CELF4: variants seen among roughly 807,000 people sequenced by gnomAD.
CELF4 encodes the protein CUGBP Elav-like family member 4.
Under a neutral mutation model 59.9 loss-of-function variants are expected in CELF4, and 18 were observed. The ratio of observed to expected loss-of-function variants is 0.30; its 90% CI spans 0.21 to 0.45. CELF4 has a LOEUF of 0.45. Ranked by LOEUF, CELF4 falls within the 20% of genes least tolerant of loss-of-function variation. The pLI is 1.00. For synonymous variants in CELF4, 261 were observed against 267.1 expected (o/e 0.98, Z 0.22); for missense variants, 456 against 689.0 (o/e 0.66, Z 3.79).
chr18:37,356,396 G>A (rs2154557457), intron 2 of CELF4, among the ~76,000 whole-genome samples: 1 of 152,306 alleles, frequency 6.6e-6, no homozygotes, highest in Middle Eastern at 3.4e-3. Context: ...GGTTGGGTGT[G>A]GAATGGCAGC....
intron 1 of CELF4, among the ~76,000 whole-genome samples, chr18:37,541,239 C>T (rs1194963728): frequency 1.3e-5 from 2 of 152,064 alleles, no homozygotes; most frequent in South Asian, 4.2e-4. Context: ...ACAGGCCTCC[C>T]GCTCTCAGCA....
intron 2 of CELF4, among the ~76,000 whole-genome samples, chr18:37,477,370 G>C (rs112180325): frequency 1.4e-3 from 207 of 152,314 alleles, no homozygotes; most frequent in African/African-American, 4.6e-3. Context: ...TCCAGGCAGA[G>C]GGAATGACAT....
intron 2 of CELF4, among the ~76,000 whole-genome samples, chr18:37,461,285 A>T (rs1165782669): frequency 6.6e-6 from 1 of 152,140 alleles, no homozygotes; most frequent in Non-Finnish European, 1.5e-5. Context: ...CATACCTAAG[A>T]CTGGGTAATT....
chr18:37,424,309 G>A (rs2099598792), intron 2 of CELF4, among the ~76,000 whole-genome samples: 1 of 152,254 alleles, frequency 6.6e-6, no homozygotes, highest in South Asian at 2.1e-4. Context: ...GGAGAGGTGG[G>A]CTGTCACGGG....
chr18:37,288,243 T>C (rs2094997764), intron 3 of CELF4, among the ~76,000 whole-genome samples: 1 of 152,232 alleles, frequency 6.6e-6, no homozygotes, highest in African/African-American at 2.4e-5. Flanking sequence ...CTGCACCTAA[T>C]GAGGTCCTCC....
chr18:37,535,613 A>T (rs1201928049), intron 1 of CELF4, among the ~76,000 whole-genome samples: 1 of 152,154 alleles, frequency 6.6e-6, no homozygotes, highest in Non-Finnish European at 1.5e-5. Flanking sequence ...TAGGTAATAC[A>T]CGTGTATTAC....
At chr18:37,464,419 C>T (rs191837239) in intron 2 of CELF4, among the ~76,000 whole-genome samples, 3 of 152,338 alleles carry the variant, frequency 2.0e-5, no homozygotes, top group African/African-American at 4.8e-5. Context: ...TCCCCTCCCA[C>T]TGTTCTGGCT....
rs543415462 is a variant in CELF4, at chr18:37,520,482, G to A, written c.287-34875C>T. ...GAGCAGGTTTTGGAGTTGTATCTCT[G>A]GGTTACTGCTTGACTCAGCTGGCAG... On this transcript the variant is annotated intron_variant, in intron 1 of 12. Coordinates refer to ENST00000420428, the MANE Select transcript of CELF4 (RefSeq NM_020180.4). Among the ~76,000 whole-genome samples the A allele has an allele frequency of 2.8e-4, 43 of 152,176 alleles. No individual in the cohort carries two copies. In the East Asian group the frequency reaches 5.4e-3, roughly 19 times the overall value.
At chr18:37,526,099 T>C (rs959832948) in intron 1 of CELF4, among the ~76,000 whole-genome samples, 1 of 152,150 alleles carries the variant, frequency 6.6e-6, no homozygotes, top group African/African-American at 2.4e-5. Context: ...GTGGAAATTA[T>C]TGTATCTTTT....
chr18:37,530,959 C>A, intron 1 of CELF4, among the ~76,000 whole-genome samples: 1 of 148,626 alleles, frequency 6.7e-6, no homozygotes, highest in East Asian at 2.0e-4. Flanking sequence ...CTGATGCTGC[C>A]AGTAGTATCT....
rs143640194 is a variant in CELF4 at position 37,380,078 on chromosome 18, C to G, written c.370-58197G>C. Among the ~76,000 whole-genome samples, 15 of 152,292 alleles carry G rather than the reference C, an allele frequency of 9.8e-5. No homozygotes were observed. In the East Asian group the frequency reaches 2.9e-3, roughly 29 times the overall value. ...AGCTTGTGGCTGGTGCCTCCACTCT[C>G]CCGTCCAGTTGTCCTGTATTTGATT... On this transcript the variant is annotated intron_variant, in intron 2 of 12. Coordinates refer to ENST00000420428, the MANE Select transcript of CELF4 (RefSeq NM_020180.4).
chr18:37,470,887 T>TGTGTGAGAGAGAGAGAGA (rs1325788685), intron 2 of CELF4, among the ~76,000 whole-genome samples: 6 of 71,930 alleles, frequency 8.3e-5, no homozygotes, highest in African/African-American at 2.7e-4. Context: ...TGTGTGTGTG[T>TGTGTGAGAGAGAGAGAGA]GACAGAGAGA....
At chr18:37,529,645 A>G (rs2154605004) in intron 1 of CELF4, among the ~76,000 whole-genome samples, 1 of 152,274 alleles carries the variant, frequency 6.6e-6, no homozygotes, top group Middle Eastern at 3.4e-3. Context: ...TTTGCTTTGC[A>G]AGCAACTGGC....
chr18:37,469,068 T>C (rs1461779000), intron 2 of CELF4, among the ~76,000 whole-genome samples: 1 of 152,166 alleles, frequency 6.6e-6, no homozygotes, highest in Non-Finnish European at 1.5e-5. Context: ...CTTCCCAGCC[T>C]AGGGAAAGTG....
chr18:37,262,329 C>T (rs1220547955), intron 10 of CELF4, among the ~76,000 whole-genome samples: 1 of 152,160 alleles, frequency 6.6e-6, no homozygotes, highest in Non-Finnish European at 1.5e-5. Context: ...ATCCTGCCAC[C>T]CCAAGGAGAG....
chr18:37,312,054 T>A (rs1273560688), intron 3 of CELF4, among the ~76,000 whole-genome samples: 2 of 133,554 alleles, frequency 1.5e-5, no homozygotes, highest in Non-Finnish European at 3.0e-5. Context: ...GAACTTGCAG[T>A]GAGCCCATAT....
chr18:37,433,702 A>C (rs953295546), intron 2 of CELF4, among the ~76,000 whole-genome samples: 2 of 152,174 alleles, frequency 1.3e-5, no homozygotes, highest in African/African-American at 4.8e-5. Flanking sequence ...AGGAGTATGT[A>C]AGCAGACGGG....
At chr18:37,342,462 G>A (rs140629502) in intron 2 of CELF4, among the ~76,000 whole-genome samples, 13 of 152,300 alleles carry the variant, frequency 8.5e-5, no homozygotes, top group Non-Finnish European at 1.8e-4. Context: ...GGTGGGGAAG[G>A]GGGCCTGCCT....
intron 7 of CELF4, among the ~76,000 whole-genome samples, chr18:37,271,254 CTTT>C (rs34833771): frequency 5.7e-5 from 6 of 105,556 alleles, no homozygotes; most frequent in African/African-American, 2.0e-4. Flanking sequence ...TCCTTCAGTC[CTTT>C]TTTTTTTTTT....
Sources: allele counts gnomAD v4.1 joint callset (sites outside exome capture counted in the v4.1 genomes callset), GRCh38; gene constraint gnomAD v4.1.1; transcripts MANE v1.5; gene names NCBI Gene and HGNC (gene_info 2026-07-23, HGNC 2026-07-21).